ANKRD26: variants seen among roughly 807,000 people sequenced by gnomAD.
ANKRD26 encodes ankyrin repeat domain 26.
A neutral mutation model predicts 208.7 loss-of-function variants in ANKRD26; 141 were observed. That is an observed-to-expected ratio of 0.68 (90% CI 0.59 to 0.78). ANKRD26 has a LOEUF of 0.78. Among genes scored for constraint, ANKRD26 ranks in the 30% least tolerant of loss-of-function variants. The probability of loss-of-function intolerance (pLI) is 0.00; values close to 1 mark genes in which losing one functional copy is unlikely to be tolerated. For synonymous variants in ANKRD26, 636 were observed against 660.4 expected (o/e 0.96, Z 0.57); for missense variants, 1,889 against 1,938.7 (o/e 0.97, Z 0.48).
At chr10:27,003,332 T>G (rs1336768616), downstream of ANKRD26, among the ~76,000 whole-genome samples, 1 of 152,164 alleles carries the variant, frequency 6.6e-6, no homozygotes, top group African/African-American at 2.4e-5. Context: ...AAGCTTTCCC[T>G]TCTCCCCCTA....
At chr10:26,975,331 C>T (rs1254364118) in exon 6 of ANKRD26, among the ~76,000 whole-genome samples, 1 of 151,614 alleles carries the variant, frequency 6.6e-6, no homozygotes, top group Non-Finnish European at 1.5e-5. Context: ...TGGGCTCAAG[C>T]AATCCTCCCA....
intron 25 of ANKRD26, chr10:27,030,335 A>T (rs966245070): frequency 2.1e-6 from 2 of 941,764 alleles, no homozygotes; most frequent in Middle Eastern, 5.5e-4. Context: ...TGCTTTACTC[A>T]GTGGGCAATG....
At position 27,053,383 on chromosome 10, in the gene ANKRD26, A is replaced by C. The variant is rs1461616362; in HGVS notation, c.1572T>G (p.His524Gln). 6.2e-7 allele frequency: 1 copy of C among 1,610,184 alleles called. No homozygotes were observed. The highest frequency in any genetic ancestry group is 8.5e-7 in the Non-Finnish European group (1 of 1,178,006). ...CTTCTTCTGATGCTACTTCTAAGTC[A>C]TGTTCAGCTGAAAAAATCCAAATAT... ...KDVQTSKAAEHDLEVASEEEQ... is the reference protein window; with the variant it reads ...KDVQTSKAAEQDLEVASEEEQ... Residue 524 changes from histidine to glutamine, a missense_variant, in exon 16 of 34, where the codon CAT becomes CAG. Around this residue, in one of 3 missense-constraint regions of ANKRD26, gnomAD observed 1,272 missense variants for 1,273.8 expected, o/e 1.00. Coordinates refer to ENST00000376087, the MANE Select transcript of ANKRD26 (RefSeq NM_014915.3).
intron 9 of ANKRD26, among the ~76,000 whole-genome samples, chr10:27,069,901 T>C (rs2055416461): frequency 6.6e-6 from 1 of 151,936 alleles, no homozygotes; most frequent in Non-Finnish European, 1.5e-5. Flanking sequence ...GAGGATCACT[T>C]AAGCCCAGTG....
At chr10:27,046,573 A>AG in intron 17 of ANKRD26, 50 bp from the exon 18 acceptor site, 2 of 1,560,250 alleles carry the variant, frequency 1.3e-6, no homozygotes, top group Non-Finnish European at 1.8e-6. Context: ...AAAGAAAAAA[A>AG]GAAACAACAT....
rs1244691277 is a variant in ANKRD26, at chr10:26,983,026, C to A, written c.490-213G>T. Among the ~76,000 whole-genome samples the A allele has an allele frequency of 2.6e-5, 4 of 152,108 alleles. No homozygotes were observed. In the East Asian group the frequency reaches 7.7e-4, roughly 29 times the overall value. The stretch of plus-strand genomic sequence containing the variant: ...TCCTCTAAGATATAAATCCAAAATT[C>A]AGTTTTGATTGTGGCAAAGGTTCCA... On this transcript the variant is annotated intron_variant and NMD_transcript_variant, in intron 3 of 5. Coordinates refer to the ANKRD26 transcript ENST00000674670.
At chr10:27,098,529 C>G (rs974041175) in intron 1 of ANKRD26, among the ~76,000 whole-genome samples, 1 of 149,590 alleles carries the variant, frequency 6.7e-6, no homozygotes, top group Non-Finnish European at 1.5e-5. Flanking sequence ...TATACAAATG[C>G]CCAGAAATAA....
At chr10:27,045,637 A>G (rs1217282330) in intron 18 of ANKRD26, among the ~76,000 whole-genome samples, 3 of 152,174 alleles carry the variant, frequency 2.0e-5, no homozygotes, top group African/African-American at 7.2e-5. Flanking sequence ...CTGATCTTTT[A>G]GTCTTACAAA....
At chr10:27,015,651 C>G (rs1025364215) in intron 30 of ANKRD26, among the ~76,000 whole-genome samples, 3 of 152,198 alleles carry the variant, frequency 2.0e-5, no homozygotes, top group African/African-American at 7.2e-5. Context: ...TCTCACTAGC[C>G]TGAGGGAAGG....
the ANKRD26 span, among the ~76,000 whole-genome samples, chr10:26,954,625 T>C: frequency 6.6e-6 from 1 of 152,206 alleles, no homozygotes; most frequent in Non-Finnish European, 1.5e-5. Flanking sequence ...AATAAATCTG[T>C]ATCCAGAAAC....
intron 29 of ANKRD26, among the ~76,000 whole-genome samples, chr10:27,021,328 T>C (rs962207769): frequency 2.0e-5 from 3 of 152,268 alleles, no homozygotes; most frequent in African/African-American, 7.2e-5. Flanking sequence ...CTACATCATA[T>C]GGCAGTTCTA....
chr10:27,050,695 T>G (rs951208138), intron 16 of ANKRD26, among the ~76,000 whole-genome samples: 8 of 152,156 alleles, frequency 5.3e-5, no homozygotes, highest in African/African-American at 1.9e-4. Flanking sequence ...GTTGTTTAAA[T>G]AAAAGAAATT....
chr10:27,012,988 T>C lies in ANKRD26; in HGVS notation c.4847A>G (p.Asn1616Ser), dbSNP rs750157142. The change falls in exon 32 of 34, where the codon AAT (asparagine) becomes AGT (serine). Residue 1616 changes from asparagine to serine, a missense_variant. Asn to Ser is a conservative substitution (Grantham distance 46, BLOSUM62 1). Transcript: ENST00000376087. The part of the protein sequence containing the change: ...VMEPPCVGNL[N>S]NSLDLNRKLI... ...TTTTCTGTTGAGATCTAAACTATTA[T>C]TAAGATTTCCCACACAAGGTGGCTC... The C allele has an allele frequency of 1.9e-6, 3 of 1,614,084 alleles. No individual in the cohort carries two copies. The highest frequency in any genetic ancestry group is 1.1e-5 in the South Asian group (1 of 91,082).
intron 23 of ANKRD26, 112 bp from the exon 24 acceptor site, chr10:27,035,864 T>G: frequency 1.2e-6 from 1 of 809,350 alleles, no homozygotes; most frequent in East Asian, 2.7e-5. Flanking sequence ...TTGCAATAAG[T>G]GTATATCCAA....
At chr10:27,041,444 C>G (rs1055744165) in intron 20 of ANKRD26, among the ~76,000 whole-genome samples, 1 of 152,132 alleles carries the variant, frequency 6.6e-6, no homozygotes, top group African/African-American at 2.4e-5. Context: ...ACTCATACTT[C>G]TCAAGACAAT....
At chr10:26,972,652 G>A (rs1323915194), downstream of ANKRD26, among the ~76,000 whole-genome samples, 1 of 145,960 alleles carries the variant, frequency 6.9e-6, no homozygotes, top group Non-Finnish European at 1.5e-5. Flanking sequence ...GTGCAGTGGT[G>A]TGATCTTGGC....
intron 9 of ANKRD26, among the ~76,000 whole-genome samples, chr10:27,072,080 G>C (rs1247777122): frequency 1.3e-5 from 2 of 152,216 alleles, no homozygotes; most frequent in Non-Finnish European, 2.9e-5. Context: ...TGAACAAGAA[G>C]TGTGCCCAGG....
intron 9 of ANKRD26, among the ~76,000 whole-genome samples, chr10:27,074,318 G>A (rs1169543088): frequency 6.6e-6 from 1 of 152,146 alleles, no homozygotes; most frequent in Non-Finnish European, 1.5e-5. Context: ...ATTTTCTAAA[G>A]AGAAAGATAT....
At chr10:27,062,086 T>C in intron 12 of ANKRD26, 2 of 985,336 alleles carry the variant, frequency 2.0e-6, no homozygotes, top group Non-Finnish European at 2.4e-6. Context: ...TTCTTTCTTC[T>C]CTTTCCCCAC....
Sources: gnomAD v4.1 joint callset for allele counts (sites outside exome capture counted in the v4.1 genomes callset) on GRCh38, gnomAD v4.1.1 for gene constraint, gnomAD v4.1.1 regional missense constraint, MANE v1.5 for transcripts, NCBI Gene and HGNC (gene_info 2026-07-23, HGNC 2026-07-21) for gene names.